RDH13: variants seen among roughly 807,000 people sequenced by gnomAD.
The protein encoded by RDH13 is retinol dehydrogenase 13 (all-trans and 9-cis).
A neutral mutation model predicts 28.3 loss-of-function variants in RDH13; 35 were observed. The ratio of observed to expected loss-of-function variants is 1.24; its 90% CI spans 0.95 to 1.64. RDH13 has a LOEUF of 1.64. Among genes scored for constraint, RDH13 ranks in the 40% most tolerant of loss-of-function variants. The pLI is 0.00. For missense variants in RDH13, 514 were observed against 446.3 expected (o/e 1.15, Z -1.37); for synonymous variants, 229 against 198.5 (o/e 1.15, Z -1.29).
At position 55,048,453 on chromosome 19, in the gene RDH13, A is replaced by C. The variant is rs2075314905; in HGVS notation, c.534T>G (p.Val178=). 6.2e-7 allele frequency: 1 copy of C among 1,614,098 alleles called. No homozygotes were observed. Among genetic ancestry groups the C allele is most frequent in the African/African-American group, 1.3e-5 (1 of 74,934 alleles). The part of the protein sequence containing the change: ...RIINLSSLAH[V]AGHIDFDDLN... Reference sequence around the variant, plus strand: ...AGTCGTCAAAGTCTATGTGCCCAGCAACATGGGCCAGGGACGAGAGGTTGA... The same window carrying C: ...AGTCGTCAAAGTCTATGTGCCCAGCCACATGGGCCAGGGACGAGAGGTTGA... The change falls in exon 5 of 7, where the codon GTT becomes GTG. Residue 178 remains valine, a synonymous_variant. Transcript: ENST00000415061.
At chr19:55,055,662 A>G (rs2075607100) in intron 3 of RDH13, among the ~76,000 whole-genome samples, 1 of 150,934 alleles carries the variant, frequency 6.6e-6, no homozygotes, top group South Asian at 2.1e-4. Context: ...CAACATGGTG[A>G]AACCCCAGCT....
upstream of RDH13, among the ~76,000 whole-genome samples, chr19:55,065,517 A>G (rs1248344495): frequency 6.6e-6 from 1 of 151,588 alleles, no homozygotes; most frequent in African/African-American, 2.4e-5. Flanking sequence ...TGAAATCCTA[A>G]TATCATTGAC....
At chr19:55,063,423 C>G (rs1354264887), upstream of RDH13, 2 of 239,560 alleles carry the variant, frequency 8.3e-6, no homozygotes, top group African/African-American at 4.5e-5. Flanking sequence ...GACTGTGACC[C>G]TCTGTGTGTC....
At position 55,062,974 on chromosome 19, in the gene RDH13, A is replaced by T; in HGVS notation, c.59T>A (p.Leu20Gln). 1 of 1,479,198 alleles carries T rather than the reference A, an allele frequency of 6.8e-7. No homozygotes were observed. Among genetic ancestry groups the T allele is most frequent in the Middle Eastern group, 1.8e-4 (1 of 5,486 alleles). The allele number at this position is 1,479,198 out of a possible 1,614,324, so 91.6% of individuals were successfully genotyped here. A position where few individuals can be genotyped will look rare whatever the true frequency, so the allele number is the denominator to read the frequency against. Residue 20 changes from leucine (L) to glutamine (Q), a missense_variant, in exon 1 of 7, where the codon CTG becomes CAG. Physicochemically the swap from Leu to Gln is moderately radical, Grantham distance 113. Coordinates refer to ENST00000415061, the MANE Select transcript of RDH13 (RefSeq NM_001145971.2). The part of the protein sequence containing the change: ...ALGTVAGAAV[L>Q]LKDYVTGGAC... ...GGGGCTAGAATGTACTCACTTGAGC[A>T]GCACGGCGGCGCCTGCTACCGTGCC...
At chr19:55,064,636 G>C (rs1285043715), upstream of RDH13, among the ~76,000 whole-genome samples, 1 of 151,202 alleles carries the variant, frequency 6.6e-6, no homozygotes, top group Admixed American at 6.6e-5. Flanking sequence ...TTTTTTGAGA[G>C]ACAGTCTCAC....
upstream of RDH13, among the ~76,000 whole-genome samples, chr19:55,064,620 G>GT (rs561249203): frequency 2.4e-4 from 37 of 151,288 alleles, 1 homozygote; most frequent in South Asian, 7.6e-3. Flanking sequence ...TGTTTGTTTT[G>GT]TTTTGTTTTT....
rs937880567 is a variant in RDH13, at chr19:55,048,525, T to C, written c.462A>G (p.Thr154=). The part of the protein sequence containing the change: ...GVNHLGHFLL[T]NLLLDKLKAS... ...CTTTCAGCTTGTCCAGCAGCAAGTT[T>C]GTCAAGAGAAAGTGACCTGGATTAA... is the stretch of plus-strand genomic sequence containing the variant. The change falls in exon 5 of 7, where the codon ACA becomes ACG. Residue 154 remains threonine, a synonymous_variant. Transcript: ENST00000415061. 3.1e-6 allele frequency: 5 copies of C among 1,614,194 alleles called. No homozygotes were observed. The highest frequency in any genetic ancestry group is 8.5e-7 in the Non-Finnish European group (1 of 1,180,040).
intron 3 of RDH13, 92 bp from the exon 4 acceptor site, chr19:55,048,855 G>T: frequency 1.8e-6 from 2 of 1,131,724 alleles, no homozygotes; most frequent in Non-Finnish European, 2.6e-6. Flanking sequence ...CCCACAACCT[G>T]TGAATGTGGC....
At chr19:55,062,878 G>T (rs1744334324) in intron 1 of RDH13, 90 bp downstream of exon 1, 3 of 1,152,094 alleles carry the variant, frequency 2.6e-6, no homozygotes, top group Non-Finnish European at 3.4e-6. Flanking sequence ...GCCTGGACCC[G>T]GGTGCGAGGG....
chr19:55,056,777 C>T lies in RDH13; in HGVS notation c.216G>A (p.Met72Ile). The T allele has an allele frequency of 1.2e-6, 2 of 1,614,110 alleles. No individual in the cohort carries two copies. The highest frequency in any genetic ancestry group is 1.7e-6 in the Non-Finnish European group (2 of 1,180,024). ...CCTTTGCTGCCGCCTCACACTTCTC[C>T]ATGTCTCGGCAGGCCAGGATGATGT... The part of the protein sequence containing the change: ...GGNIILACRD[M>I]EKCEAAAKDI... The change falls in exon 3 of 7, where the codon ATG becomes ATA. Residue 72 changes from methionine (M) to isoleucine (I), a missense_variant. Physicochemically the swap from Met to Ile is conservative, Grantham distance 10. Coordinates refer to ENST00000415061, the MANE Select transcript of RDH13 (RefSeq NM_001145971.2).
At chr19:55,060,316 C>T (rs2075771794) in intron 1 of RDH13, among the ~76,000 whole-genome samples, 1 of 152,166 alleles carries the variant, frequency 6.6e-6, no homozygotes, top group Non-Finnish European at 1.5e-5. Flanking sequence ...AGCAATGCTG[C>T]CTTGTTATTC....
chr19:55,048,755 G>A lies in RDH13; in HGVS notation c.349C>T (p.Arg117Ter), dbSNP rs200873233. The A allele has an allele frequency of 2.9e-5, 47 of 1,613,694 alleles. No individual in the cohort carries two copies. The highest frequency in any genetic ancestry group is 3.6e-5 in the Non-Finnish European group (43 of 1,179,834). The change falls in exon 4 of 7, where the codon CGA (arginine) becomes TGA (stop). Residue 117 changes from arginine (R) to a stop codon, truncating the protein, a stop_gained. Coordinates refer to ENST00000415061, the MANE Select transcript of RDH13 (RefSeq NM_001145971.2). LOFTEE classifies it high-confidence loss of function. ...FAAKIIEEEE[R>*]VDILINNAGV... ...GCGTTGTTGATTAGAATGTCCACTC[G>A]CTCCTCCTCTGGAAGAGAGGGGTGG...
upstream of RDH13, among the ~76,000 whole-genome samples, chr19:55,064,645 A>C (rs564115007): frequency 1.3e-5 from 2 of 150,982 alleles, no homozygotes; most frequent in Admixed American, 6.6e-5. Flanking sequence ...AGACAGTCTC[A>C]CTGTGTCACC....
intron 1 of RDH13, among the ~76,000 whole-genome samples, chr19:55,059,720 G>A (rs1017139927): frequency 4.6e-5 from 7 of 152,234 alleles, no homozygotes; most frequent in Middle Eastern, 3.4e-3. Flanking sequence ...GACTGTTACT[G>A]TGTCTATATA....
At chr19:55,058,426 T>C (rs546597998) in intron 2 of RDH13, among the ~76,000 whole-genome samples, 1 of 151,988 alleles carries the variant, frequency 6.6e-6, no homozygotes, top group Non-Finnish European at 1.5e-5. Flanking sequence ...CCTAATGTTG[T>C]GCAACCATTA....
At chr19:55,050,124 T>TTG (rs766789253) in intron 3 of RDH13, among the ~76,000 whole-genome samples, 4 of 145,266 alleles carry the variant, frequency 2.8e-5, no homozygotes, top group South Asian at 2.2e-4. Flanking sequence ...TTTTTTTTTT[T>TTG]TGGGGGGGGG....
At chr19:55,048,815 CTGAT>C in intron 3 of RDH13, 52 bp from the exon 4 acceptor site, 1 of 1,461,104 alleles carries the variant, frequency 6.8e-7, no homozygotes, top group Non-Finnish European at 9.5e-7. Flanking sequence ...AGACCCCAGC[CTGAT>C]GCACCAGCAG....
At chr19:55,051,491 TTGGCCCA>T (rs1417666169) in intron 3 of RDH13, among the ~76,000 whole-genome samples, 1 of 151,518 alleles carries the variant, frequency 6.6e-6, no homozygotes, top group Non-Finnish European at 1.5e-5. Context: ...TGGTGTGATC[TTGGCCCA>T]TGGCCCACTG....
chr19:55,051,489 T>A (rs1344841074), intron 3 of RDH13, among the ~76,000 whole-genome samples: 1 of 151,474 alleles, frequency 6.6e-6, no homozygotes, highest in Non-Finnish European at 1.5e-5. Context: ...AGTGGTGTGA[T>A]CTTGGCCCAT....
Sources: allele counts gnomAD v4.1 joint callset (sites outside exome capture counted in the v4.1 genomes callset), GRCh38; gene constraint gnomAD v4.1.1; transcripts MANE v1.5; gene names NCBI Gene and HGNC (gene_info 2026-07-23, HGNC 2026-07-21).